The following MAP4K3 variants were observed in gnomAD, a reference collection of about 807,000 sequenced individuals.
MAP4K3 encodes the protein mitogen-activated protein kinase kinase kinase kinase 3.
Under a neutral mutation model 143.5 loss-of-function variants are expected in MAP4K3, and 94 were observed. The observed-to-expected ratio is 0.65, with a 90% confidence interval of 0.55 to 0.78. The LOEUF (loss-of-function observed/expected upper bound fraction) is 0.78, where lower values mean the gene tolerates loss of function less well. MAP4K3 is among the 30% of genes least tolerant of loss of function. The probability of loss-of-function intolerance (pLI) is 0.00; values close to 1 mark genes in which losing one functional copy is unlikely to be tolerated. For synonymous variants in MAP4K3, 416 were observed against 347.2 expected (o/e 1.20, Z -2.20); for missense variants, 1,077 against 1,068.1 (o/e 1.01, Z -0.12).
At chr2:39,345,369 A>G (rs1250043005) in intron 3 of MAP4K3, among the ~76,000 whole-genome samples, 2 of 152,110 alleles carry the variant, frequency 1.3e-5, no homozygotes, top group Non-Finnish European at 2.9e-5. Flanking sequence ...GTGATCTATG[A>G]TAGTGCTACC....
intron 17 of MAP4K3, 103 bp from the exon 18 acceptor site, chr2:39,292,929 A>G (rs1312720456): frequency 1.0e-6 from 1 of 971,350 alleles, no homozygotes; most frequent in Non-Finnish European, 1.6e-6. Flanking sequence ...ATAAAATTTT[A>G]TTTCTGCATC....
chr2:39,417,701 G>A (rs1018443987), intron 1 of MAP4K3, among the ~76,000 whole-genome samples: 3 of 152,246 alleles, frequency 2.0e-5, no homozygotes, highest in East Asian at 3.9e-4. Flanking sequence ...ATATATACAC[G>A]TATTTCCTAG....
intron 18 of MAP4K3, 102 bp downstream of exon 18, chr2:39,292,671 T>C: frequency 2.3e-6 from 2 of 887,510 alleles, no homozygotes; most frequent in Non-Finnish European, 3.8e-6. Flanking sequence ...CATGATATTG[T>C]GTTACTGATA....
At chr2:39,348,047 T>C (rs1307396537) in intron 3 of MAP4K3, among the ~76,000 whole-genome samples, 2 of 152,120 alleles carry the variant, frequency 1.3e-5, no homozygotes, top group Non-Finnish European at 2.9e-5. Context: ...ATATGAGATA[T>C]AATTTACATA....
At chr2:39,254,224 A>G (rs1024851406) in intron 32 of MAP4K3, among the ~76,000 whole-genome samples, 3 of 152,206 alleles carry the variant, frequency 2.0e-5, no homozygotes, top group African/African-American at 7.2e-5. Flanking sequence ...TAAATTTCAG[A>G]CTGATTATCT....
At chr2:39,361,292 C>T (rs1318244868) in intron 2 of MAP4K3, among the ~76,000 whole-genome samples, 2 of 152,064 alleles carry the variant, frequency 1.3e-5, no homozygotes, top group Admixed American at 1.3e-4. Flanking sequence ...CCCATAGTCA[C>T]AATTCTATGC....
chr2:39,392,256 G>A (rs1010296845), intron 1 of MAP4K3, among the ~76,000 whole-genome samples: 5 of 149,380 alleles, frequency 3.3e-5, no homozygotes, highest in Admixed American at 6.7e-5. Context: ...TCTCTAACCC[G>A]TATCCCTGGG....
rs558857275 is a variant in MAP4K3, at chr2:39,374,277, G to A, written c.154+3789C>T. 2.0e-5 allele frequency among the ~76,000 whole-genome samples: 3 copies of A among 152,288 alleles called. No homozygotes were observed. The South Asian group carries it at 6.2e-4, about 32-fold the overall frequency. On this transcript the variant is annotated intron_variant, in intron 2 of 33. Coordinates refer to ENST00000263881, the MANE Select transcript of MAP4K3 (RefSeq NM_003618.4). Reference sequence around the variant, plus strand: ...CATGCCTGTAATTCCAGCTATTCATGAAGATTGCTTGAACCCGGAGGCGGA... The same window carrying A: ...CATGCCTGTAATTCCAGCTATTCATAAAGATTGCTTGAACCCGGAGGCGGA...
chr2:39,326,319 G>A (rs760729830), intron 8 of MAP4K3, 42 bp from the exon 9 acceptor site: 1 of 1,604,306 alleles, frequency 6.2e-7, no homozygotes, highest in Non-Finnish European at 8.5e-7. Flanking sequence ...TCTGTTATAT[G>A]TTTTCCTTTA....
intron 12 of MAP4K3, among the ~76,000 whole-genome samples, chr2:39,316,060 A>T (rs1241097931): frequency 2.0e-5 from 3 of 152,036 alleles, no homozygotes; most frequent in African/African-American, 7.2e-5. Context: ...ATTTTTTTTA[A>T]TTAAAAAAAT....
At chr2:39,346,904 G>T (rs1187077213) in intron 3 of MAP4K3, among the ~76,000 whole-genome samples, 1 of 151,786 alleles carries the variant, frequency 6.6e-6, no homozygotes, top group Non-Finnish European at 1.5e-5. Context: ...CTCCAATTTG[G>T]ATATATCTAG....
intron 26 of MAP4K3, among the ~76,000 whole-genome samples, chr2:39,269,906 T>C (rs954544256): frequency 9.2e-5 from 14 of 152,170 alleles, no homozygotes; most frequent in Non-Finnish European, 2.9e-5. Context: ...GCCCCTTTCA[T>C]ATACATTGGA....
intron 13 of MAP4K3, among the ~76,000 whole-genome samples, chr2:39,312,125 T>C (rs928751046): frequency 6.6e-5 from 10 of 152,232 alleles, no homozygotes; most frequent in African/African-American, 2.4e-4. Context: ...ATTTTGGGTT[T>C]GCTACACAAC....
chr2:39,351,300 T>C (rs949414801), intron 3 of MAP4K3, among the ~76,000 whole-genome samples: 3 of 152,246 alleles, frequency 2.0e-5, no homozygotes, highest in Non-Finnish European at 2.9e-5. Context: ...CACATAAATA[T>C]CTACCAATCT....
chr2:39,267,463 G>A, intron 26 of MAP4K3: 1 of 494,450 alleles, frequency 2.0e-6, no homozygotes, highest in South Asian at 2.3e-5. Context: ...ACAAGGTCAA[G>A]ACTTCGAGAC....
chr2:39,284,822 C>T (rs761150834), intron 21 of MAP4K3, among the ~76,000 whole-genome samples: 17 of 151,124 alleles, frequency 1.1e-4, no homozygotes, highest in Non-Finnish European at 2.2e-4. Flanking sequence ...CTGGCCTGGG[C>T]GACAGAGCGA....
intron 32 of MAP4K3, among the ~76,000 whole-genome samples, chr2:39,253,296 G>C (rs563062103): frequency 6.6e-6 from 1 of 152,276 alleles, no homozygotes; most frequent in African/African-American, 2.4e-5. Context: ...ACCACGCCTG[G>C]CTAATTTTTC....
rs143902780 is a variant in MAP4K3 at position 39,361,264 on chromosome 2, T to C, written c.155-4925A>G. Among the ~76,000 whole-genome samples, 929 of 152,248 alleles carry C rather than the reference T, an allele frequency of 6.1e-3. 48 individuals carry two copies. In the East Asian group the frequency reaches 0.11, roughly 18 times the overall value. ...ATGTAATAATATGATATTATAATAATATACATTATAGCAACTACCCATAGT... is the reference window on the plus strand; with the variant it reads ...ATGTAATAATATGATATTATAATAACATACATTATAGCAACTACCCATAGT... On this transcript the variant is annotated intron_variant, in intron 2 of 33. Coordinates refer to ENST00000263881, the MANE Select transcript of MAP4K3 (RefSeq NM_003618.4).
In MAP4K3 at chr2:39,311,204, A is replaced by C. The variant is rs921441480; in HGVS notation, c.998-1685T>G. Among the ~76,000 whole-genome samples the C allele has an allele frequency of 2.0e-5, 3 of 152,110 alleles. 1 individual carries two copies. Among genetic ancestry groups the C allele is most frequent in the African/African-American group, 7.2e-5 (3 of 41,404 alleles). On this transcript the variant is annotated intron_variant, in intron 13 of 33. Transcript: ENST00000263881. The stretch of plus-strand genomic sequence containing the variant: ...GCGGTTCTCGTGCCTCGACCTCCTG[A>C]GTAGCTGGGCCTACAGGTGCGCGCC...
Sources: gnomAD v4.1 joint callset for allele counts (sites outside exome capture counted in the v4.1 genomes callset) on GRCh38, gnomAD v4.1.1 for gene constraint, MANE v1.5 for transcripts, NCBI Gene and HGNC (gene_info 2026-07-23, HGNC 2026-07-21) for gene names.